The following GPC5 variants were observed in gnomAD, a reference collection of about 807,000 sequenced individuals.
GPC5 encodes the protein glypican 5, also known as glypican-5.
In GPC5, 47 loss-of-function variants were observed where a neutral mutation model predicts 53.9. That is an observed-to-expected ratio of 0.87 (90% CI 0.69 to 1.11). GPC5 has a LOEUF of 1.11. Ranked by LOEUF, GPC5 falls within the 50% of genes most tolerant of loss-of-function variation. The probability of loss-of-function intolerance (pLI) is 0.00; values close to 1 mark genes in which losing one functional copy is unlikely to be tolerated. For missense variants in GPC5, 748 were observed against 713.1 expected, an observed-to-expected ratio of 1.05 and a Z score of -0.56; for synonymous variants, 286 against 263.3, an observed-to-expected ratio of 1.09 and a Z score of -0.84.
intron 2 of GPC5, among the ~76,000 whole-genome samples, chr13:91,640,039 G>A (rs16946328): frequency 0.18 from 27,691 of 151,664 alleles, 2,630 homozygotes; most frequent in African/African-American, 0.23. Context: ...TGTCTTTTGG[G>A]AAGAAATATA....
intron 7 of GPC5, among the ~76,000 whole-genome samples, chr13:92,551,900 A>G (rs1401014267): frequency 6.6e-6 from 1 of 151,890 alleles, no homozygotes; most frequent in Non-Finnish European, 1.5e-5. Flanking sequence ...GGCAAACTGG[A>G]AATAACTTTT....
intron 6 of GPC5, among the ~76,000 whole-genome samples, chr13:92,108,629 C>T (rs921719599): frequency 1.3e-5 from 2 of 152,188 alleles, no homozygotes; most frequent in Non-Finnish European, 1.5e-5. Flanking sequence ...AATTTGTTTC[C>T]TCACATGTGA....
At chr13:91,867,359 C>T (rs1017104358) in intron 5 of GPC5, among the ~76,000 whole-genome samples, 3 of 152,218 alleles carry the variant, frequency 2.0e-5, no homozygotes, top group Admixed American at 6.5e-5. Flanking sequence ...TAATCTTCTA[C>T]ACCTTTTGCA....
intron 6 of GPC5, among the ~76,000 whole-genome samples, chr13:92,139,421 A>C (rs1344128060): frequency 6.6e-6 from 1 of 152,180 alleles, no homozygotes; most frequent in African/African-American, 2.4e-5. Context: ...TAATCCCAGC[A>C]CTTTGGGAGG....
intron 6 of GPC5, among the ~76,000 whole-genome samples, chr13:92,094,344 G>A (rs1231021801): frequency 1.3e-5 from 2 of 151,702 alleles, no homozygotes; most frequent in Non-Finnish European, 2.9e-5. Flanking sequence ...GTGAAACCAT[G>A]TCTCTACTAA....
chr13:92,658,266 A>G (rs1886205986), intron 7 of GPC5, among the ~76,000 whole-genome samples: 1 of 152,162 alleles, frequency 6.6e-6, no homozygotes, highest in African/African-American at 2.4e-5. Flanking sequence ...AAAACCACAT[A>G]ATTACTCATT....
chr13:92,714,868 C>T (rs1046690199), intron 7 of GPC5, among the ~76,000 whole-genome samples: 2 of 152,122 alleles, frequency 1.3e-5, no homozygotes, highest in Non-Finnish European at 2.9e-5. Flanking sequence ...GAGTTCAAGA[C>T]CAGCCTGGCC....
chr13:92,511,102 G>T (rs547675585), intron 7 of GPC5, among the ~76,000 whole-genome samples: 3 of 152,216 alleles, frequency 2.0e-5, no homozygotes, highest in African/African-American at 7.2e-5. Context: ...AAAGGTTAGG[G>T]TTTTCTTTGG....
At chr13:92,158,974 C>T (rs1207263790) in intron 7 of GPC5, among the ~76,000 whole-genome samples, 2 of 152,118 alleles carry the variant, frequency 1.3e-5, no homozygotes, top group Non-Finnish European at 2.9e-5. Flanking sequence ...TCATTTTCTC[C>T]CATATCTCAG....
chr13:91,552,247 C>G (rs2030682651), intron 2 of GPC5, among the ~76,000 whole-genome samples: 1 of 151,828 alleles, frequency 6.6e-6, no homozygotes. Flanking sequence ...TGTTTTTTTC[C>G]ACCTAAATTA....
At chr13:91,643,054 G>T (rs143577014) in intron 2 of GPC5, among the ~76,000 whole-genome samples, 1 of 152,060 alleles carries the variant, frequency 6.6e-6, no homozygotes, top group South Asian at 2.1e-4. Context: ...TATGGTGTTC[G>T]GTTATTTTTC....
intron 7 of GPC5, among the ~76,000 whole-genome samples, chr13:92,638,973 G>A (rs1250523155): frequency 6.6e-6 from 1 of 152,108 alleles, no homozygotes; most frequent in Non-Finnish European, 1.5e-5. Flanking sequence ...TTGCCAATCT[G>A]TTTACACCAT....
intron 6 of GPC5, among the ~76,000 whole-genome samples, chr13:92,008,696 TC>T (rs2040633160): frequency 6.6e-6 from 1 of 152,182 alleles, no homozygotes; most frequent in African/African-American, 2.4e-5. Flanking sequence ...TTGCTAAACT[TC>T]CTGAATCTGT....
chr13:91,599,833 T>C (rs1368356699), intron 2 of GPC5, among the ~76,000 whole-genome samples: 1 of 152,230 alleles, frequency 6.6e-6, no homozygotes, highest in Non-Finnish European at 1.5e-5. Context: ...GATGATGTGG[T>C]CTGTCAAAAC....
chr13:92,511,234 AT>A (rs1379389224), intron 7 of GPC5, among the ~76,000 whole-genome samples: 3 of 152,030 alleles, frequency 2.0e-5, no homozygotes, highest in African/African-American at 7.2e-5. Flanking sequence ...TTTAGAATAG[AT>A]TTCTATCTAT....
At chr13:91,812,952 G>A (rs2038336962) in intron 5 of GPC5, among the ~76,000 whole-genome samples, 1 of 152,142 alleles carries the variant, frequency 6.6e-6, no homozygotes, top group South Asian at 2.1e-4. Flanking sequence ...CCCAAATGAA[G>A]TCTGTATTCA....
chr13:92,046,714 T>A (rs1263620746), intron 6 of GPC5, among the ~76,000 whole-genome samples: 1 of 152,226 alleles, frequency 6.6e-6, no homozygotes, highest in Non-Finnish European at 1.5e-5. Flanking sequence ...GAGGTTCTGC[T>A]TCTCAAGTAT....
intron 2 of GPC5, among the ~76,000 whole-genome samples, chr13:91,478,985 T>C (rs1255559198): frequency 6.7e-6 from 1 of 149,756 alleles, no homozygotes; most frequent in Non-Finnish European, 1.5e-5. Context: ...CCATCTTGGC[T>C]CACTGCAACC....
intron 7 of GPC5, among the ~76,000 whole-genome samples, chr13:92,567,905 T>C (rs1882910088): frequency 6.6e-6 from 1 of 152,170 alleles, no homozygotes; most frequent in Non-Finnish European, 1.5e-5. Context: ...TCTTGGCATT[T>C]CTTAATTCAG....
Sources: gnomAD v4.1 joint callset for allele counts (sites outside exome capture counted in the v4.1 genomes callset) on GRCh38, gnomAD v4.1.1 for gene constraint, MANE v1.5 for transcripts, NCBI Gene and HGNC (gene_info 2026-07-23, HGNC 2026-07-21) for gene names.